SCN3A: variants seen among roughly 807,000 people sequenced by gnomAD.
SCN3A encodes sodium channel protein type 3 subunit alpha.
Under a neutral mutation model 187.6 loss-of-function variants are expected in SCN3A, and 60 were observed. The observed-to-expected ratio is 0.32, with a 90% CI of 0.26 to 0.40. The LOEUF (loss-of-function observed/expected upper bound fraction) is 0.40, where lower values mean the gene tolerates loss of function less well. Ranked by LOEUF, SCN3A falls within the 10% of genes least tolerant of loss-of-function variation. The pLI is 1.00. For synonymous variants in SCN3A, 788 were observed against 829.2 expected (o/e 0.95, Z 0.85); for missense variants, 1,601 against 2,428.2 (o/e 0.66, Z 7.16).
At chr2:165,094,623 G>A in intron 25 of SCN3A, 145 bp from the exon 26 acceptor site, 3 of 645,744 alleles carry the variant, frequency 4.6e-6, no homozygotes, top group South Asian at 3.7e-5. Context: ...TCCCATTTAT[G>A]TGAAATTCTG....
chr2:165,151,892 G>C (rs1176832701), intron 11 of SCN3A, among the ~76,000 whole-genome samples: 1 of 152,092 alleles, frequency 6.6e-6, no homozygotes, highest in African/African-American at 2.4e-5. Flanking sequence ...TCCTACACTG[G>C]CAAACACTTC....
In SCN3A at chr2:165,090,017, A is replaced by G; in HGVS notation, c.*133T>C. 2 of 1,255,138 alleles carry G rather than the reference A, an allele frequency of 1.6e-6. No homozygotes were observed. Among genetic ancestry groups the G allele is most frequent in the Non-Finnish European group, 2.2e-6 (2 of 908,012 alleles). 77.8% of individuals were successfully genotyped at this position (1,255,138 alleles called of 1,614,324 possible). A position where few individuals can be genotyped will look rare whatever the true frequency, so the allele number is the denominator to read the frequency against. On this transcript the variant is annotated 3_prime_UTR_variant, in exon 28 of 28. Coordinates refer to ENST00000283254, the MANE Select transcript of SCN3A (RefSeq NM_006922.4). This position sits in a 1 kb window ranked among gnomAD's most constrained non-coding sequence, Gnocchi z 4.0. ...CAGAGAGGTCACTTCACTGTCTTGT[A>G]TAGGCACTGACTATGAGTATTTGTT... is the stretch of plus-strand genomic sequence containing the variant.
chr2:165,096,290 A>G (rs1454496227), intron 24 of SCN3A, among the ~76,000 whole-genome samples, 177 bp downstream of exon 24: 1 of 152,178 alleles, frequency 6.6e-6, no homozygotes, highest in African/African-American at 2.4e-5. Context: ...TTAGCTACAT[A>G]TTGTATATTA....
intron 22 of SCN3A, chr2:165,097,759 T>C: frequency 1.8e-6 from 1 of 569,314 alleles, no homozygotes; most frequent in African/African-American, 1.9e-5. Flanking sequence ...AAAGAAATCA[T>C]TAAAAACCTG....
chr2:165,135,102 C>A (rs890510915), intron 15 of SCN3A, among the ~76,000 whole-genome samples: 4 of 151,980 alleles, frequency 2.6e-5, no homozygotes, highest in African/African-American at 9.7e-5. Flanking sequence ...AATCTAGTTT[C>A]AGCATTGTCA....
chr2:165,111,550 T>C (rs1218069704), intron 21 of SCN3A, among the ~76,000 whole-genome samples: 1 of 151,232 alleles, frequency 6.6e-6, no homozygotes, highest in Non-Finnish European at 1.5e-5. Context: ...TTACAACTAA[T>C]ATATTTATAA....
At chr2:165,099,681 C>T (rs1390579795) in intron 22 of SCN3A, among the ~76,000 whole-genome samples, 1 of 152,174 alleles carries the variant, frequency 6.6e-6, no homozygotes, top group Non-Finnish European at 1.5e-5. Context: ...CGCACCACTG[C>T]ACTCCAGCCT....
intron 6 of SCN3A, chr2:165,163,924 T>C (rs917416186): frequency 2.5e-6 from 4 of 1,590,546 alleles, no homozygotes; most frequent in Non-Finnish European, 2.6e-6. Flanking sequence ...TACTGATAGT[T>C]TTGGCAAAGT....
chr2:165,191,067 T>G (rs1438934131), intron 1 of SCN3A, among the ~76,000 whole-genome samples: 2 of 151,496 alleles, frequency 1.3e-5, no homozygotes, highest in Admixed American at 6.6e-5. Flanking sequence ...GTTGTTTTTT[T>G]TTTTTTTTTT....
At chr2:165,127,529 T>C in intron 18 of SCN3A, 102 bp downstream of exon 18, 1 of 880,666 alleles carries the variant, frequency 1.1e-6, no homozygotes, top group Non-Finnish European at 1.8e-6. Context: ...TGACTTTCAA[T>C]ATTGCTTTTT....
At chr2:165,149,207 A>T (rs1168614303) in intron 11 of SCN3A, among the ~76,000 whole-genome samples, 1 of 149,336 alleles carries the variant, frequency 6.7e-6, no homozygotes, top group African/African-American at 2.5e-5. Flanking sequence ...ATGGGGTCTC[A>T]CTCTGTCGCC....
At chr2:165,166,621 T>C (rs1559254104) in intron 5 of SCN3A, among the ~76,000 whole-genome samples, 1 of 152,226 alleles carries the variant, frequency 6.6e-6, no homozygotes, top group Non-Finnish European at 1.5e-5. Flanking sequence ...GTACAGGGAC[T>C]GTTTCAAATA....
rs1246682400 is a variant in SCN3A, at chr2:165,090,125, C to T, written c.*25G>A. On this transcript the variant is annotated 3_prime_UTR_variant, in exon 28 of 28. Coordinates refer to ENST00000283254, the MANE Select transcript of SCN3A (RefSeq NM_006922.4). This position sits in a 1 kb window ranked among gnomAD's most constrained non-coding sequence, Gnocchi z 4.0. The stretch of plus-strand genomic sequence containing the variant: ...CCTTCATAGGCTGTAAACAATTGAT[C>T]ACAAAGATAATTCTTTGTTTCTTTT... 5.8e-6 allele frequency: 9 copies of T among 1,556,178 alleles called. No homozygotes were observed. The highest frequency in any genetic ancestry group is 7.8e-6 in the Non-Finnish European group (9 of 1,148,484).
chr2:165,124,290 C>G (rs1177385217), intron 18 of SCN3A, among the ~76,000 whole-genome samples: 2 of 151,930 alleles, frequency 1.3e-5, no homozygotes, highest in African/African-American at 4.8e-5. Context: ...AATTAGCAGT[C>G]ATTTGAAATA....
At position 165,113,895 on chromosome 2, in the gene SCN3A, T is replaced by A. The variant is rs1031384101; in HGVS notation, c.3590A>T (p.Lys1197Ile). 9.3e-6 allele frequency: 15 copies of A among 1,613,706 alleles called. No individual in the cohort carries two copies. Among genetic ancestry groups the A allele is most frequent in the Non-Finnish European group, 1.3e-5 (15 of 1,179,778 alleles). The change falls in exon 20 of 28, where the codon AAA (lysine) becomes ATA (isoleucine). Residue 1197 changes from lysine to isoleucine, a missense_variant. This residue lies in a region of SCN3A where 267 missense variants were observed against 313.2 expected (regional missense o/e 0.85). Transcript: ENST00000283254. ...GTGCTCAACAATACTGTAGCAGGTT[T>A]TTCGAAGATTCCACCAGATCTTCCC... ...GKGKIWWNLR[K>I]TCYSIVEHNW...
At chr2:165,114,551 C>CT (rs1437709790) in intron 19 of SCN3A, among the ~76,000 whole-genome samples, 7 of 152,192 alleles carry the variant, frequency 4.6e-5, no homozygotes, top group Admixed American at 1.3e-4. Flanking sequence ...ATCCACTCTT[C>CT]TGCTGTAAGT....
chr2:165,164,242 G>A (rs1689597842), intron 6 of SCN3A, 150 bp downstream of exon 6: 2 of 951,102 alleles, frequency 2.1e-6, no homozygotes, highest in Non-Finnish European at 3.2e-6. Context: ...ATTGCAATAT[G>A]TATTCTAATA....
chr2:165,169,821 TA>T (rs1423775096), intron 4 of SCN3A, among the ~76,000 whole-genome samples: 1 of 151,934 alleles, frequency 6.6e-6, no homozygotes, highest in African/African-American at 2.4e-5. Flanking sequence ...TCTGCCCTTT[TA>T]CATATGCTTT....
At chr2:165,114,615 C>G (rs1686272755) in intron 19 of SCN3A, among the ~76,000 whole-genome samples, 1 of 152,226 alleles carries the variant, frequency 6.6e-6, no homozygotes, top group African/African-American at 2.4e-5. Flanking sequence ...AATAGATATT[C>G]ATTGATTTGT....
Sources: gnomAD v4.1 joint callset for allele counts (sites outside exome capture counted in the v4.1 genomes callset) on GRCh38, gnomAD v4.1.1 for gene constraint, gnomAD v4.1.1 regional missense constraint, Gnocchi (gnomAD v3.1) non-coding constraint, MANE v1.5 for transcripts, NCBI Gene and HGNC (gene_info 2026-07-23, HGNC 2026-07-21) for gene names.